Variants in FAF2 observed in about 807,000 individuals in gnomAD.
FAF2 encodes FAS-associated factor 2.
In FAF2, 9 loss-of-function variants were observed where a neutral mutation model predicts 62.3. That is an observed-to-expected ratio of 0.14 (90% CI 0.09 to 0.25). The LOEUF is 0.25. FAF2 is among the 10% of genes least tolerant of loss of function. FAF2 has a pLI of 1.00. For missense variants in FAF2, 368 were observed against 556.2 expected (o/e 0.66, Z 3.40); for synonymous variants, 202 against 198.0 (o/e 1.02, Z -0.17).
intron 1 of FAF2, among the ~76,000 whole-genome samples, chr5:176,475,101 G>A (rs142479775): frequency 2.1e-4 from 32 of 152,048 alleles, no homozygotes; most frequent in African/African-American, 7.2e-4. Context: ...CAGTCACTCT[G>A]TTCTCTCCTG....
intron 2 of FAF2, among the ~76,000 whole-genome samples, chr5:176,482,678 T>C (rs746117508): frequency 1.5e-4 from 23 of 152,102 alleles, no homozygotes; most frequent in Non-Finnish European, 2.9e-4. Context: ...CCAGCTAATA[T>C]TTTATTTTTT....
At chr5:176,479,137 C>T (rs949820498) in intron 1 of FAF2, 51 bp from the exon 2 acceptor site, 32 of 1,423,578 alleles carry the variant, frequency 2.2e-5, no homozygotes, top group Middle Eastern at 1.8e-4. Context: ...AATACTCACA[C>T]GTATACTGTT....
chr5:176,499,676 T>C (rs1267200788), intron 9 of FAF2, among the ~76,000 whole-genome samples: 1 of 151,910 alleles, frequency 6.6e-6, no homozygotes, highest in Non-Finnish European at 1.5e-5. Flanking sequence ...GCAGTGGCTA[T>C]TCACCAGTGC....
chr5:176,458,847 T>G (rs1289063762), intron 1 of FAF2, among the ~76,000 whole-genome samples: 1 of 152,156 alleles, frequency 6.6e-6, no homozygotes, highest in Non-Finnish European at 1.5e-5. Flanking sequence ...ACTTTTTAAT[T>G]TCCCTAACAT....
intron 2 of FAF2, among the ~76,000 whole-genome samples, chr5:176,483,815 GC>G (rs1240671821): frequency 1.3e-5 from 2 of 152,196 alleles, no homozygotes; most frequent in Admixed American, 1.3e-4. Context: ...GGTGGCTCAC[GC>G]CTGTAATCCC....
chr5:176,476,569 GTATTTAGAGGAGGGA>G, intron 1 of FAF2, among the ~76,000 whole-genome samples: 1 of 151,078 alleles, frequency 6.6e-6, no homozygotes, highest in African/African-American at 2.4e-5. Context: ...AACAATTTTG[GTATTTAGAGGAGGGA>G]GCAGTCATTT....
chr5:176,475,602 T>C (rs1758674255), intron 1 of FAF2, among the ~76,000 whole-genome samples: 1 of 151,894 alleles, frequency 6.6e-6, no homozygotes, highest in Non-Finnish European at 1.5e-5. Context: ...ACCTCGTCCC[T>C]ACTAAAAATA....
chr5:176,505,336 C>G (rs1439704900), intron 10 of FAF2, among the ~76,000 whole-genome samples: 1 of 152,172 alleles, frequency 6.6e-6, no homozygotes, highest in Admixed American at 6.5e-5. Flanking sequence ...GTTTTAGCAT[C>G]CTGGACTCTC....
At chr5:176,506,237 T>C (rs982589051) in intron 10 of FAF2, among the ~76,000 whole-genome samples, 1 of 151,750 alleles carries the variant, frequency 6.6e-6, no homozygotes, top group Non-Finnish European at 1.5e-5. Flanking sequence ...CCTTTGCTAT[T>C]ATATAAAAGA....
intron 1 of FAF2, among the ~76,000 whole-genome samples, chr5:176,478,555 CA>C (rs1758740620): frequency 6.6e-6 from 1 of 151,982 alleles, no homozygotes; most frequent in Admixed American, 6.6e-5. Flanking sequence ...AGGTTAATAC[CA>C]GTATATAAAA....
At chr5:176,484,924 A>G (rs1581068770) in intron 2 of FAF2, among the ~76,000 whole-genome samples, 3 of 151,864 alleles carry the variant, frequency 2.0e-5, no homozygotes, top group African/African-American at 4.8e-5. Context: ...AAAGTTCCTG[A>G]CTTAATGAGG....
intron 2 of FAF2, among the ~76,000 whole-genome samples, chr5:176,481,501 T>C (rs1390534502): frequency 6.6e-6 from 1 of 151,840 alleles, no homozygotes; most frequent in African/African-American, 2.4e-5. Context: ...ACTAAAAATA[T>C]AAAAAATTAG....
intron 3 of FAF2, 71 bp from the exon 4 acceptor site, chr5:176,488,880 T>G: frequency 8.0e-7 from 1 of 1,255,334 alleles, no homozygotes; most frequent in Non-Finnish European, 1.2e-6. Context: ...AGTGAGAAAA[T>G]CTGACCTAGC....
chr5:176,491,223 A>G (rs1414379850), intron 4 of FAF2, among the ~76,000 whole-genome samples: 1 of 152,206 alleles, frequency 6.6e-6, no homozygotes, highest in Non-Finnish European at 1.5e-5. Flanking sequence ...TCATCCAACC[A>G]GCTTGTTTAA....
intron 1 of FAF2, among the ~76,000 whole-genome samples, chr5:176,474,499 T>C (rs1758626002): frequency 2.6e-5 from 4 of 152,252 alleles, no homozygotes; most frequent in Admixed American, 2.6e-4. Context: ...GACAATTAGA[T>C]TCTTTTGTCA....
chr5:176,456,302 C>T (rs1193190934), intron 1 of FAF2, among the ~76,000 whole-genome samples: 1 of 152,130 alleles, frequency 6.6e-6, no homozygotes, highest in Non-Finnish European at 1.5e-5. Flanking sequence ...GAATTCCTGA[C>T]CTGAGGTGAT....
At chr5:176,501,997 T>C (rs1755600381) in intron 10 of FAF2, among the ~76,000 whole-genome samples, 1 of 152,040 alleles carries the variant, frequency 6.6e-6, no homozygotes, top group Admixed American at 6.5e-5. Context: ...CCTCAAGTGA[T>C]CCACCCACCT....
intron 2 of FAF2, among the ~76,000 whole-genome samples, chr5:176,484,863 G>A (rs964758849): frequency 6.7e-6 from 1 of 148,286 alleles, no homozygotes; most frequent in African/African-American, 2.5e-5. Context: ...CTGCACTCCA[G>A]CCTGGGCAAC....
intron 1 of FAF2, among the ~76,000 whole-genome samples, chr5:176,449,541 C>G (rs949825795): frequency 6.6e-6 from 1 of 151,998 alleles, no homozygotes; most frequent in Non-Finnish European, 1.5e-5. Flanking sequence ...TGCCACTGCA[C>G]TCCAGCCTGG....
Sources: allele counts gnomAD v4.1 joint callset (sites outside exome capture counted in the v4.1 genomes callset), GRCh38; gene constraint gnomAD v4.1.1; transcripts MANE v1.5; gene names NCBI Gene and HGNC (gene_info 2026-07-23, HGNC 2026-07-21).